SIPA1L3: variants seen among roughly 807,000 people sequenced by gnomAD.
SIPA1L3 encodes the protein signal induced proliferation associated 1 like 3, also known as signal-induced proliferation-associated 1-like protein 3.
SIPA1L3 carries 59 observed loss-of-function variants against 150.1 expected under a neutral mutation model. The ratio of observed to expected loss-of-function variants is 0.39; its 90% CI spans 0.32 to 0.49. The LOEUF (loss-of-function observed/expected upper bound fraction) is 0.49. Ranked by LOEUF, SIPA1L3 falls within the 20% of genes least tolerant of loss-of-function variation. The probability of loss-of-function intolerance (pLI) is 0.86; values close to 1 mark genes in which losing one functional copy is unlikely to be tolerated. For missense variants in SIPA1L3, 2,211 were observed against 2,489.5 expected, an observed-to-expected ratio of 0.89 and a Z score of 2.38; for synonymous variants, 1,070 against 1,077.6, an observed-to-expected ratio of 0.99 and a Z score of 0.14.
intron 3 of SIPA1L3, among the ~76,000 whole-genome samples, chr19:38,085,814 G>A (rs944635448): frequency 2.0e-5 from 3 of 152,192 alleles, no homozygotes. Flanking sequence ...GGCCAGCATG[G>A]TGAGACCCTG....
chr19:38,027,508 G>C lies in SIPA1L3; in HGVS notation c.-378-1581G>C, dbSNP rs146234592. On this transcript the variant is annotated intron_variant, in intron 1 of 21. Transcript: ENST00000222345. Reference sequence around the variant, plus strand: ...CTGGAGGAGCTGACCGGCCTTTGAGGTTGGCGGGGATATTTGGGTAGCATT... The same window carrying C: ...CTGGAGGAGCTGACCGGCCTTTGAGCTTGGCGGGGATATTTGGGTAGCATT... Among the ~76,000 whole-genome samples, 9 of 152,168 alleles carry C rather than the reference G, an allele frequency of 5.9e-5. No homozygotes were observed. In the East Asian group the frequency reaches 1.7e-3, roughly 29 times the overall value.
chr19:38,178,093 GTGTGTGTGTGTGTGTGTGTGTGT>G (rs1972478948), intron 15 of SIPA1L3, among the ~76,000 whole-genome samples: 1 of 61,152 alleles, frequency 1.6e-5, no homozygotes, highest in African/African-American at 4.7e-5. Flanking sequence ...TTTGGTGTGT[GTGTGTGTGTGTGTGTGTGTGTGT>G]GTGTGTGTGT....
chr19:38,199,550 G>A (rs1465367440), intron 19 of SIPA1L3, among the ~76,000 whole-genome samples: 1 of 152,110 alleles, frequency 6.6e-6, no homozygotes, highest in Non-Finnish European at 1.5e-5. Flanking sequence ...CGTCACAGTC[G>A]CCTAGGGAGC....
In SIPA1L3 at chr19:38,046,515, G is replaced by C. The variant is rs1969060726; in HGVS notation, c.-311+17359G>C. On this transcript the variant is annotated intron_variant, in intron 2 of 21. Transcript: ENST00000222345. The surrounding 1 kb of genome is among the most constrained non-coding windows in gnomAD (Gnocchi z 5.6). ...TGGGCCCTGCCCTGGAAAGAGGCAG[G>C]GTGGCCGGGGAGGGGAGTTTCCAGA... Among the ~76,000 whole-genome samples the C allele has an allele frequency of 6.6e-6, 1 of 152,214 alleles. No homozygotes were observed. Among genetic ancestry groups the C allele is most frequent in the Admixed American group, 6.5e-5 (1 of 15,284 alleles).
intron 9 of SIPA1L3, among the ~76,000 whole-genome samples, chr19:38,123,149 C>T (rs996106202): frequency 6.6e-6 from 1 of 152,118 alleles, no homozygotes; most frequent in Non-Finnish European, 1.5e-5. Flanking sequence ...GGTCTTGCGT[C>T]TCTTGCTCAC....
At chr19:37,997,807 A>G (rs1967677847) in intron 1 of SIPA1L3, among the ~76,000 whole-genome samples, 1 of 149,830 alleles carries the variant, frequency 6.7e-6, no homozygotes, top group African/African-American at 2.5e-5. Context: ...CAGAGGTTGC[A>G]GTGAGTTGAG....
At chr19:38,018,805 A>T in intron 1 of SIPA1L3, among the ~76,000 whole-genome samples, 1 of 152,128 alleles carries the variant, frequency 6.6e-6, no homozygotes, top group East Asian at 1.9e-4. Flanking sequence ...CTGGTCCCCT[A>T]GTCTGGACGG....
intron 2 of SIPA1L3, among the ~76,000 whole-genome samples, chr19:38,061,820 G>T (rs150853520): frequency 6.6e-6 from 1 of 150,764 alleles, no homozygotes; most frequent in Non-Finnish European, 1.5e-5. Context: ...TTAACTGGTC[G>T]GTTGGTTATC....
At chr19:37,968,598 G>T (rs527812267) in intron 1 of SIPA1L3, among the ~76,000 whole-genome samples, 2 of 152,324 alleles carry the variant, frequency 1.3e-5, no homozygotes, top group South Asian at 2.1e-4. Context: ...GAGATAACAT[G>T]ATGGAAGTCC....
intron 1 of SIPA1L3, among the ~76,000 whole-genome samples, chr19:37,971,677 G>A (rs961914958): frequency 1.3e-5 from 2 of 152,020 alleles, no homozygotes; most frequent in African/African-American, 2.4e-5. Flanking sequence ...CAGTTCTCCT[G>A]CCTTAGCCTC....
At chr19:38,042,129 C>T (rs1164768302) in intron 2 of SIPA1L3, among the ~76,000 whole-genome samples, 1 of 152,142 alleles carries the variant, frequency 6.6e-6, no homozygotes, top group Non-Finnish European at 1.5e-5. Context: ...TTGCCAAAGC[C>T]AATGTTGAGG....
At chr19:38,116,857 AAAT>A (rs978175314) in intron 8 of SIPA1L3, among the ~76,000 whole-genome samples, 4 of 152,258 alleles carry the variant, frequency 2.6e-5, no homozygotes, top group African/African-American at 4.8e-5. Context: ...CCATCTCAAA[AAAT>A]AATAATAATA....
chr19:38,165,360 C>T (rs1330295785), intron 15 of SIPA1L3, among the ~76,000 whole-genome samples: 4 of 152,180 alleles, frequency 2.6e-5, no homozygotes, highest in Non-Finnish European at 4.4e-5. Flanking sequence ...CAGGCTAGTG[C>T]TGTGGCTTGT....
At chr19:37,956,858 T>C (rs2046816157) in intron 1 of SIPA1L3, among the ~76,000 whole-genome samples, 1 of 152,228 alleles carries the variant, frequency 6.6e-6, no homozygotes, top group African/African-American at 2.4e-5. Flanking sequence ...TGGTATTATA[T>C]TTAAGAACTC....
chr19:38,032,745 T>C (rs1225891303), intron 2 of SIPA1L3, among the ~76,000 whole-genome samples: 1 of 151,998 alleles, frequency 6.6e-6, no homozygotes, highest in East Asian at 1.9e-4. Flanking sequence ...TCCTAGCTAC[T>C]TGAGAGGCTG....
At chr19:38,116,546 G>A (rs10409113) in intron 8 of SIPA1L3, among the ~76,000 whole-genome samples, 37 of 135,448 alleles carry the variant, frequency 2.7e-4, no homozygotes, top group African/African-American at 7.9e-4. Flanking sequence ...AAAAAAGAAA[G>A]AAAGAAAAGA....
intron 1 of SIPA1L3, among the ~76,000 whole-genome samples, chr19:37,942,019 T>C (rs2046663679): frequency 6.6e-6 from 1 of 152,214 alleles, no homozygotes; most frequent in African/African-American, 2.4e-5. Flanking sequence ...AGGGCCTCTT[T>C]GCTGCTAGAG....
At chr19:37,948,036 C>CA (rs1164129461) in intron 1 of SIPA1L3, among the ~76,000 whole-genome samples, 1 of 152,188 alleles carries the variant, frequency 6.6e-6, no homozygotes, top group Non-Finnish European at 1.5e-5. Context: ...CCTGGCTAGG[C>CA]AGTGACCAGG....
intron 1 of SIPA1L3, among the ~76,000 whole-genome samples, chr19:37,982,288 G>A (rs1394613916): frequency 2.0e-5 from 3 of 152,146 alleles, no homozygotes; most frequent in African/African-American, 7.2e-5. Context: ...ATTGCCTGGT[G>A]GACACTCCAT....
Sources: allele counts gnomAD v4.1 joint callset (sites outside exome capture counted in the v4.1 genomes callset), GRCh38; gene constraint gnomAD v4.1.1; non-coding constraint Gnocchi (gnomAD v3.1); transcripts MANE v1.5; gene names NCBI Gene and HGNC (gene_info 2026-07-23, HGNC 2026-07-21).